SUMF1: variants seen among roughly 807,000 people sequenced by gnomAD.
SUMF1 encodes the protein sulfatase modifying factor 1, also known as formylglycine-generating enzyme.
A neutral mutation model predicts 47.6 loss-of-function variants in SUMF1; 48 were observed. That is an observed-to-expected ratio of 1.01 (90% CI 0.80 to 1.28). The LOEUF is 1.28. SUMF1 is among the 50% of genes most tolerant of loss of function. The pLI, the probability that SUMF1 is intolerant of heterozygous loss-of-function variation, is 0.00. For synonymous variants in SUMF1, 230 were observed against 192.1 expected (o/e 1.20, Z -1.63); for missense variants, 571 against 485.4 (o/e 1.18, Z -1.66).
intron 8 of SUMF1, among the ~76,000 whole-genome samples, chr3:4,268,575 G>C (rs532034951): frequency 1.4e-5 from 2 of 146,496 alleles, no homozygotes; most frequent in South Asian, 4.3e-4. Flanking sequence ...GTTGGCACAG[G>C]AAACACTACT....
At chr3:4,335,891 C>T (rs79228391) in intron 8 of SUMF1, among the ~76,000 whole-genome samples, 4 of 134,310 alleles carry the variant, frequency 3.0e-5, no homozygotes, top group Non-Finnish European at 4.6e-5. Context: ...ATCCAGGAGG[C>T]AGAGGTTGCA....
intron 8 of SUMF1, among the ~76,000 whole-genome samples, chr3:4,235,873 G>A (rs375374728): frequency 2.0e-5 from 3 of 152,012 alleles, no homozygotes; most frequent in Non-Finnish European, 2.9e-5. Context: ...CATGCTACTC[G>A]TCTCTGAGGT....
intron 8 of SUMF1, chr3:4,303,203 C>A: frequency 1.7e-6 from 1 of 586,870 alleles, no homozygotes; most frequent in Non-Finnish European, 2.8e-6. Context: ...GAAATCAAAA[C>A]GGGAGCCAGA....
At chr3:4,115,785 A>G (rs1026188639) in intron 8 of SUMF1, among the ~76,000 whole-genome samples, 1 of 152,118 alleles carries the variant, frequency 6.6e-6, no homozygotes, top group Admixed American at 6.5e-5. Context: ...TATTCTCAAT[A>G]TTTTGATGCT....
intron 8 of SUMF1, among the ~76,000 whole-genome samples, chr3:4,368,876 T>G (rs1367661749): frequency 6.6e-6 from 1 of 152,088 alleles, no homozygotes; most frequent in Non-Finnish European, 1.5e-5. Flanking sequence ...AGAATAAAAA[T>G]AAACTAGTCA....
intron 9 of SUMF1, among the ~76,000 whole-genome samples, chr3:4,036,571 C>T (rs1482001020): frequency 1.3e-5 from 2 of 150,808 alleles, no homozygotes; most frequent in East Asian, 2.0e-4. Flanking sequence ...TTTCTCACTC[C>T]TCACTTCCAT....
intron 8 of SUMF1, among the ~76,000 whole-genome samples, chr3:4,133,825 T>C (rs977322203): frequency 3.9e-5 from 6 of 152,050 alleles, no homozygotes; most frequent in Non-Finnish European, 7.4e-5. Flanking sequence ...ATCTATTCTA[T>C]TAGTTCTGTC....
At chr3:4,455,264 A>G (rs564745735) in intron 1 of SUMF1, among the ~76,000 whole-genome samples, 1 of 152,360 alleles carries the variant, frequency 6.6e-6, no homozygotes, top group Admixed American at 6.5e-5. Context: ...AATAAAACGG[A>G]TCATAAGAAA....
At chr3:4,314,500 A>G (rs1258610881) in intron 8 of SUMF1, 1 of 152,206 alleles carries the variant, frequency 6.6e-6, no homozygotes, top group Non-Finnish European at 1.5e-5. Flanking sequence ...ACCAGTAGTG[A>G]AAAATATAAC....
rs371797757 is a variant in SUMF1 at position 4,387,500 on chromosome 3, C to T, written c.955-11111G>A. On this transcript the variant is annotated intron_variant, in intron 7 of 8. Transcript: ENST00000272902. Reference sequence around the variant, plus strand: ...TTCTCTTTTTGCTTTGTCAGACTTGCTAGAGGTTTGTCAATTTTATAAATC... The same window carrying T: ...TTCTCTTTTTGCTTTGTCAGACTTGTTAGAGGTTTGTCAATTTTATAAATC... Among the ~76,000 whole-genome samples the T allele has an allele frequency of 1.9e-4, 29 of 152,066 alleles. 1 individual carries two copies. In the South Asian group the frequency reaches 6.0e-3, roughly 32 times the overall value.
At chr3:4,045,903 G>A (rs1205994834) in intron 9 of SUMF1, among the ~76,000 whole-genome samples, 5 of 152,082 alleles carry the variant, frequency 3.3e-5, no homozygotes, top group Admixed American at 2.0e-4. Flanking sequence ...AATGATTCCC[G>A]AGCTGGGCAC....
chr3:4,447,380 C>T (rs1225105528), intron 3 of SUMF1, among the ~76,000 whole-genome samples: 1 of 152,110 alleles, frequency 6.6e-6, no homozygotes, highest in South Asian at 2.1e-4. Context: ...TATGCTAGCA[C>T]TCAAACTTGC....
At chr3:4,317,293 A>T (rs1175509000) in intron 8 of SUMF1, 1 of 1,295,440 alleles carries the variant, frequency 7.7e-7, no homozygotes, top group East Asian at 2.5e-5. Context: ...TTCACAGTCC[A>T]AAACCGCAGT....
chr3:4,366,689 A>G (rs1183796798), intron 8 of SUMF1, among the ~76,000 whole-genome samples: 2 of 152,168 alleles, frequency 1.3e-5, no homozygotes, highest in Non-Finnish European at 2.9e-5. Context: ...GAGTAGTTCA[A>G]TCGTCTGAAG....
rs1574951437 is a variant in SUMF1, at chr3:4,175,317, C to A, written c.1015-106572G>T. Among the ~76,000 whole-genome samples, 3 of 152,266 alleles carry A rather than the reference C, an allele frequency of 2.0e-5. No homozygotes were observed. In the South Asian group the frequency reaches 6.2e-4, roughly 32 times the overall value. On this transcript the variant is annotated intron_variant and NMD_transcript_variant, in intron 8 of 12. Coordinates refer to the SUMF1 transcript ENST00000448413. ...TCACCTCATACAGCCAGCTGCCCCT[C>A]TGAGATGAAACTTCCAGAGGAAGGA...
intron 8 of SUMF1, among the ~76,000 whole-genome samples, chr3:4,292,552 G>C (rs1697761004): frequency 3.3e-5 from 5 of 152,170 alleles, no homozygotes. Context: ...CAAACACAAT[G>C]ATTCTTTTAC....
chr3:4,034,789 G>C (rs1231298584), intron 9 of SUMF1, among the ~76,000 whole-genome samples: 1 of 151,976 alleles, frequency 6.6e-6, no homozygotes, highest in Non-Finnish European at 1.5e-5. Flanking sequence ...CATAGAGGTA[G>C]GTATAAGTAG....
At chr3:4,262,258 A>G (rs772106001) in intron 8 of SUMF1, among the ~76,000 whole-genome samples, 3 of 152,134 alleles carry the variant, frequency 2.0e-5, no homozygotes, top group Non-Finnish European at 4.4e-5. Flanking sequence ...TGTGATGGAG[A>G]GAGCTGGGCC....
intron 3 of SUMF1, among the ~76,000 whole-genome samples, chr3:4,444,866 A>G (rs1455273083): frequency 6.6e-6 from 1 of 152,184 alleles, no homozygotes; most frequent in Non-Finnish European, 1.5e-5. Context: ...GTTTTCTACT[A>G]CAAGATACTA....
Sources: gnomAD v4.1 joint callset for allele counts (sites outside exome capture counted in the v4.1 genomes callset) on GRCh38, gnomAD v4.1.1 for gene constraint, MANE v1.5 for transcripts, NCBI Gene and HGNC (gene_info 2026-07-23, HGNC 2026-07-21) for gene names.